The following LRRC3B variants were observed in gnomAD, a reference collection of about 807,000 sequenced individuals.
LRRC3B encodes leucine rich repeat containing 3B, also known as leucine-rich repeat-containing protein 3B.
A neutral mutation model predicts 12.8 loss-of-function variants in LRRC3B; 2 were observed. The ratio of observed to expected loss-of-function variants is 0.16; its 90% confidence interval spans 0.06 to 0.49. LRRC3B has a LOEUF of 0.49. Ranked by LOEUF, LRRC3B falls within the 20% of genes least tolerant of loss-of-function variation. The pLI is 0.96. For synonymous variants in LRRC3B, 132 were observed against 122.0 expected, an observed-to-expected ratio of 1.08 and a Z score of -0.54; for missense variants, 189 against 319.4, an observed-to-expected ratio of 0.59 and a Z score of 3.11.
At chr3:26,708,174 G>T (rs1700650337) in intron 1 of LRRC3B, among the ~76,000 whole-genome samples, 2 of 152,106 alleles carry the variant, frequency 1.3e-5, no homozygotes, top group Admixed American at 1.3e-4. Context: ...GTTGTTTGTT[G>T]TCCACTGCTG....
At chr3:26,628,054 T>G (rs779709304) in intron 1 of LRRC3B, among the ~76,000 whole-genome samples, 1 of 152,126 alleles carries the variant, frequency 6.6e-6, no homozygotes, top group Non-Finnish European at 1.5e-5. Context: ...TGTGGTCCAA[T>G]CCCCTCTACT....
chr3:26,643,845 G>A (rs1183299771), intron 1 of LRRC3B, among the ~76,000 whole-genome samples: 1 of 152,164 alleles, frequency 6.6e-6, no homozygotes, highest in Non-Finnish European at 1.5e-5. Flanking sequence ...TCCCCAGTTT[G>A]GCCGGGCAAC....
chr3:26,650,214 CTG>C (rs1302916548), intron 1 of LRRC3B, among the ~76,000 whole-genome samples: 1 of 152,160 alleles, frequency 6.6e-6, no homozygotes, highest in East Asian at 1.9e-4. Flanking sequence ...CAGTAAATAT[CTG>C]TCACCTGCTC....
chr3:26,710,269 A>G (rs1409663741), exon 2 of LRRC3B: 3 of 1,613,898 alleles, frequency 1.9e-6, no homozygotes, highest in Non-Finnish European at 2.5e-6. Context: ...ACCTCCCTAA[A>G]AAAACTACCG....
rs565313343 is a variant in LRRC3B, at chr3:26,646,934, T to C, written c.-161+23697T>C. Among the ~76,000 whole-genome samples, 5 of 131,340 alleles carry C rather than the reference T, an allele frequency of 3.8e-5. No homozygotes were observed. The South Asian group carries it at 7.8e-4, about 21-fold the overall frequency. 86.2% of individuals were successfully genotyped at this position (131,340 alleles called of 152,430 possible). On this transcript the variant is annotated intron_variant, in intron 1 of 1. Transcript: ENST00000396641. ...TGGCCCATTGTAAGTACTCAGCAAATATGAGCCCCACATCTTCCTTCTCCA... is the reference window on the plus strand; with the variant it reads ...TGGCCCATTGTAAGTACTCAGCAAACATGAGCCCCACATCTTCCTTCTCCA...
chr3:26,692,781 T>C (rs1700217624), intron 1 of LRRC3B, among the ~76,000 whole-genome samples: 1 of 152,208 alleles, frequency 6.6e-6, no homozygotes, highest in African/African-American at 2.4e-5. Context: ...TATTTACAAA[T>C]TCAGTGGCAT....
intron 1 of LRRC3B, chr3:26,694,411 T>A (rs763320041): frequency 2.0e-5 from 3 of 152,106 alleles, no homozygotes; most frequent in African/African-American, 4.8e-5. Context: ...TTCAGACTTA[T>A]GACTTCATAA....
chr3:26,705,069 TGAATGTTCC>T (rs2125462444), intron 1 of LRRC3B, among the ~76,000 whole-genome samples: 1 of 152,310 alleles, frequency 6.6e-6, no homozygotes, highest in Admixed American at 6.5e-5. Flanking sequence ...TTAGAATCTC[TGAATGTTCC>T]TATCATTTAA....
At position 26,631,938 on chromosome 3, in the gene LRRC3B, A is replaced by G. The variant is rs192903259; in HGVS notation, c.-161+8701A>G. Among the ~76,000 whole-genome samples the G allele has an allele frequency of 1.3e-4, 20 of 152,064 alleles. No individual in the cohort carries two copies. In the East Asian group the frequency reaches 3.9e-3, roughly 30 times the overall value. ...ATGTGTCTGACATTGTTTTATTTTT[A>G]CTCCATATGATGTCTTCTCTGTTTA... On this transcript the variant is annotated intron_variant, in intron 1 of 1. Coordinates refer to ENST00000396641, the Ensembl canonical transcript of LRRC3B.
At chr3:26,693,623 A>G (rs1425581280) in intron 1 of LRRC3B, among the ~76,000 whole-genome samples, 2 of 152,240 alleles carry the variant, frequency 1.3e-5, no homozygotes, top group African/African-American at 4.8e-5. Context: ...CATTTTATAG[A>G]TGAAAACGTT....
At chr3:26,695,291 G>A (rs1260538364) in intron 1 of LRRC3B, among the ~76,000 whole-genome samples, 1 of 152,160 alleles carries the variant, frequency 6.6e-6, no homozygotes, top group Non-Finnish European at 1.5e-5. Context: ...ACTTTGGGGG[G>A]CCGAGGCGGG....
chr3:26,626,188 A>G (rs75088408), intron 1 of LRRC3B, among the ~76,000 whole-genome samples: 1,866 of 152,308 alleles, frequency 0.012, 33 homozygotes, highest in African/African-American at 0.04. Flanking sequence ...ACCTTGGTAT[A>G]GTGGAATACT....
At chr3:26,643,200 G>C (rs1175606255) in intron 1 of LRRC3B, among the ~76,000 whole-genome samples, 2 of 152,000 alleles carry the variant, frequency 1.3e-5, no homozygotes, top group Non-Finnish European at 2.9e-5. Flanking sequence ...GAGGACTTGG[G>C]AGGGACTCAG....
intron 1 of LRRC3B, among the ~76,000 whole-genome samples, chr3:26,661,322 T>C (rs932591319): frequency 6.6e-6 from 1 of 152,180 alleles, no homozygotes; most frequent in Non-Finnish European, 1.5e-5. Flanking sequence ...AAGTTCACTA[T>C]TGTTTTTAGT....
chr3:26,692,540 T>A (rs1486290859), intron 1 of LRRC3B, among the ~76,000 whole-genome samples: 2 of 152,220 alleles, frequency 1.3e-5, no homozygotes, highest in African/African-American at 4.8e-5. Context: ...TAATTTGGTA[T>A]CTAATGACAA....
chr3:26,635,233 G>GAGC (rs1001294102), intron 1 of LRRC3B, among the ~76,000 whole-genome samples: 1 of 152,098 alleles, frequency 6.6e-6, no homozygotes, highest in Non-Finnish European at 1.5e-5. Context: ...CCTATCCCCT[G>GAGC]AGCCACTGCA....
intron 1 of LRRC3B, among the ~76,000 whole-genome samples, chr3:26,639,225 C>T (rs1698967808): frequency 6.6e-6 from 1 of 152,064 alleles, no homozygotes. Flanking sequence ...CAGTAATATA[C>T]TTAACCCAGT....
At chr3:26,683,470 G>A (rs991042289) in intron 1 of LRRC3B, among the ~76,000 whole-genome samples, 3 of 152,168 alleles carry the variant, frequency 2.0e-5, no homozygotes, top group African/African-American at 7.2e-5. Context: ...AAACAAGGGG[G>A]TTGGAAAAGA....
chr3:26,670,058 T>C (rs1326226642), intron 1 of LRRC3B, among the ~76,000 whole-genome samples: 1 of 152,226 alleles, frequency 6.6e-6, no homozygotes, highest in African/African-American at 2.4e-5. Context: ...CCTGACTGGG[T>C]CTATTATCAG....
Sources: gnomAD v4.1 joint callset for allele counts (sites outside exome capture counted in the v4.1 genomes callset) on GRCh38, gnomAD v4.1.1 for gene constraint, MANE v1.5 for transcripts, NCBI Gene and HGNC (gene_info 2026-07-23, HGNC 2026-07-21) for gene names.